RBFOX1: variants seen among roughly 807,000 people sequenced by gnomAD.
RBFOX1 encodes RNA binding protein fox-1 homolog 1.
RBFOX1 carries 8 observed loss-of-function variants against 57.7 expected under a neutral mutation model. The ratio of observed to expected loss-of-function variants is 0.14; its 90% confidence interval spans 0.08 to 0.25. The LOEUF is 0.25. Ranked by LOEUF, RBFOX1 falls within the 10% of genes least tolerant of loss-of-function variation. The probability of loss-of-function intolerance (pLI) is 1.00; values close to 1 mark genes in which losing one functional copy is unlikely to be tolerated. For missense variants in RBFOX1, 611 were observed against 548.5 expected (o/e 1.11, Z -1.14); for synonymous variants, 326 against 222.4 (o/e 1.47, Z -4.15).
In RBFOX1 at chr16:7,222,517, C is replaced by G. The variant is rs183556160; in HGVS notation, c.27+170419C>G. On this transcript the variant is annotated intron_variant, in intron 4 of 15. Coordinates refer to ENST00000550418, the MANE Select transcript of RBFOX1 (RefSeq NM_018723.4). ...TGACAACCTAATGCATGTTAGCACT[C>G]TTGATAACAGGACCCAGAGGAGACG... 2.6e-4 allele frequency among the ~76,000 whole-genome samples: 40 copies of G among 152,308 alleles called. 1 individual carries two copies. The highest frequency in any genetic ancestry group is 5.7e-4 in the Non-Finnish European group (39 of 68,028).
intron 4 of RBFOX1, among the ~76,000 whole-genome samples, chr16:7,068,063 T>C (rs1258072738): frequency 6.6e-6 from 1 of 151,952 alleles, no homozygotes; most frequent in Non-Finnish European, 1.5e-5. Context: ...TCTTCTGTTG[T>C]ATCTGTCGGA....
At chr16:7,323,079 C>T (rs868657869) in intron 4 of RBFOX1, among the ~76,000 whole-genome samples, 1 of 152,068 alleles carries the variant, frequency 6.6e-6, no homozygotes, top group Non-Finnish European at 1.5e-5. Context: ...TTGAGATTGA[C>T]TAAGGGGTGG....
chr16:7,223,712 G>GAAAAAAAAAA (rs71147673), intron 4 of RBFOX1, among the ~76,000 whole-genome samples: 1 of 130,452 alleles, frequency 7.7e-6, no homozygotes, highest in Non-Finnish European at 1.7e-5. Flanking sequence ...CAGTGTTTCA[G>GAAAAAAAAAA]AAAAAAAAAA....
Position 7,518,130 on chromosome 16 carries a change from C to T in RBFOX1, c.28-17C>T, listed in dbSNP as rs2076771373. ...TCATGACGTTCTCTCCCTCTCTGCACCTTTTTGATTTTTCAGGGTAATCAG... is the reference window on the plus strand; with the variant it reads ...TCATGACGTTCTCTCCCTCTCTGCATCTTTTTGATTTTTCAGGGTAATCAG... On this transcript the variant is annotated splice_polypyrimidine_tract_variant and intron_variant, in intron 4 of 15. Coordinates refer to ENST00000550418, the MANE Select transcript of RBFOX1 (RefSeq NM_018723.4). 1.2e-6 allele frequency: 2 copies of T among 1,604,430 alleles called. No homozygotes were observed. The highest frequency in any genetic ancestry group is 1.7e-6 in the Non-Finnish European group (2 of 1,174,888).
At chr16:6,144,673 G>A (rs112520782) in intron 1 of RBFOX1, among the ~76,000 whole-genome samples, 97 of 152,348 alleles carry the variant, frequency 6.4e-4, no homozygotes, top group African/African-American at 1.7e-3. Flanking sequence ...GGAGAAGCAC[G>A]ATGCTGTCAG....
chr16:6,314,905 G>A (rs190013244), intron 1 of RBFOX1, among the ~76,000 whole-genome samples: 1 of 152,316 alleles, frequency 6.6e-6, no homozygotes, highest in Admixed American at 6.5e-5. Context: ...CCCAAATCAT[G>A]TTCTTCCACT....
intron 3 of RBFOX1, among the ~76,000 whole-genome samples, chr16:6,853,659 G>A (rs560722490): frequency 6.6e-6 from 1 of 152,296 alleles, no homozygotes; most frequent in South Asian, 2.1e-4. Context: ...CTCTCAGCCT[G>A]TATGGAGGCT....
chr16:6,506,005 A>G (rs1234886275), intron 2 of RBFOX1, among the ~76,000 whole-genome samples: 1 of 152,188 alleles, frequency 6.6e-6, no homozygotes, highest in Non-Finnish European at 1.5e-5. Context: ...TCTAATTACT[A>G]TCTGAGCTAA....
intron 4 of RBFOX1, among the ~76,000 whole-genome samples, chr16:7,504,040 T>C (rs2071913319): frequency 6.6e-6 from 1 of 152,184 alleles, no homozygotes; most frequent in Admixed American, 6.5e-5. Flanking sequence ...AAACTTTCTG[T>C]ATAATTATAT....
At chr16:7,209,166 T>C (rs976799628) in intron 4 of RBFOX1, among the ~76,000 whole-genome samples, 12 of 148,216 alleles carry the variant, frequency 8.1e-5, no homozygotes, top group Admixed American at 6.1e-4. Flanking sequence ...ATAATAATAA[T>C]AATAATAATA....
intron 3 of RBFOX1, among the ~76,000 whole-genome samples, chr16:6,791,397 G>T (rs908029716): frequency 3.9e-5 from 6 of 152,102 alleles, no homozygotes; most frequent in African/African-American, 1.4e-4. Context: ...TCTAATAGGT[G>T]CAGCCCTGTG....
chr16:6,850,059 G>C (rs1410140237), intron 3 of RBFOX1, among the ~76,000 whole-genome samples: 1 of 152,118 alleles, frequency 6.6e-6, no homozygotes, highest in Non-Finnish European at 1.5e-5. Flanking sequence ...TTTGTGCATA[G>C]ATACCTTCTT....
intron 3 of RBFOX1, chr16:6,983,839 G>C (rs1051201870): frequency 1.3e-5 from 2 of 152,454 alleles, no homozygotes; most frequent in African/African-American, 4.8e-5. Context: ...CATTAGGCTG[G>C]GAGGCCCATG....
intron 4 of RBFOX1, among the ~76,000 whole-genome samples, chr16:7,491,634 T>C (rs943705257): frequency 6.6e-6 from 1 of 151,962 alleles, no homozygotes; most frequent in Non-Finnish European, 1.5e-5. Context: ...GCTCTTTATT[T>C]TATCTATTTT....
At chr16:7,521,920 C>G (rs1339709810) in intron 5 of RBFOX1, among the ~76,000 whole-genome samples, 1 of 152,184 alleles carries the variant, frequency 6.6e-6, no homozygotes, top group Non-Finnish European at 1.5e-5. Context: ...TCGTCCTCAC[C>G]TCAGCTCTCT....
intron 3 of RBFOX1, among the ~76,000 whole-genome samples, chr16:6,761,355 C>G (rs1045885207): frequency 2.6e-5 from 4 of 152,042 alleles, no homozygotes; most frequent in Non-Finnish European, 5.9e-5. Flanking sequence ...AGAAAATATT[C>G]TATACCAGAC....
chr16:6,962,594 C>G (rs751373111), intron 3 of RBFOX1, among the ~76,000 whole-genome samples: 3 of 152,128 alleles, frequency 2.0e-5, no homozygotes, highest in African/African-American at 4.8e-5. Context: ...GAGCCAGGAG[C>G]TCATGCCTAC....
intron 4 of RBFOX1, among the ~76,000 whole-genome samples, chr16:7,177,717 G>A (rs533329675): frequency 6.6e-6 from 1 of 152,148 alleles, no homozygotes; most frequent in South Asian, 2.1e-4. Flanking sequence ...TCTGTGAGGA[G>A]CCAGGTCATA....
chr16:6,830,213 G>A (rs540053078), intron 3 of RBFOX1, among the ~76,000 whole-genome samples: 1 of 152,268 alleles, frequency 6.6e-6, no homozygotes, highest in Non-Finnish European at 1.5e-5. Flanking sequence ...CACCATGCCT[G>A]GCTGAATGTA....
Sources: gnomAD v4.1 joint callset for allele counts (sites outside exome capture counted in the v4.1 genomes callset) on GRCh38, gnomAD v4.1.1 for gene constraint, MANE v1.5 for transcripts, NCBI Gene and HGNC (gene_info 2026-07-23, HGNC 2026-07-21) for gene names.